Variants in TK1 observed in about 807,000 individuals in gnomAD.
TK1 encodes thymidine kinase 1.
A neutral mutation model predicts 22.4 loss-of-function variants in TK1; 13 were observed. That is an observed-to-expected ratio of 0.58 (90% CI 0.38 to 0.92). The LOEUF is 0.92. TK1 is among the 40% of genes least tolerant of loss of function. The pLI is 0.00. For missense variants in TK1, 251 were observed against 315.7 expected (o/e 0.80, Z 1.55); for synonymous variants, 134 against 125.4 (o/e 1.07, Z -0.46).
rs889163053 is a variant in TK1 at position 78,175,528 on chromosome 17, C to T, written c.393+1G>A. The T allele has an allele frequency of 1.4e-5, 22 of 1,612,796 alleles. No homozygotes were observed. The highest frequency in any genetic ancestry group is 1.9e-5 in the Non-Finnish European group (22 of 1,179,470). The stretch of plus-strand genomic sequence containing the variant: ...CTCCAGACCTGGATCAGACGCCTTA[C>T]CTTCCTCTGGAAGGTCCCATCCAGT... On this transcript the variant is annotated splice_donor_variant, in intron 5 of 6. Transcript: ENST00000301634. LOFTEE classifies it high-confidence loss of function.
intron 4 of TK1, among the ~76,000 whole-genome samples, chr17:78,177,718 T>C (rs1399171896): frequency 6.6e-6 from 1 of 151,718 alleles, no homozygotes; most frequent in African/African-American, 2.4e-5. Context: ...AGACTACAGG[T>C]GCCCGCCACC....
Position 78,179,530 on chromosome 17 carries a change from C to T in TK1, c.303+3059G>A, listed in dbSNP as rs145436960. 1.9e-4 allele frequency: 188 copies of T among 985,408 alleles called. No homozygotes were observed. In the African/African-American group the frequency reaches 2.8e-3, roughly 15 times the overall value. The allele number at this position is 985,408 out of a possible 1,614,324, so 61.0% of individuals were successfully genotyped here. ...CCTCAACTCCACAGGGCAGATGCCC[C>T]GCACAGGGGAAGGGACCCGTCAGCC... On this transcript the variant is annotated intron_variant, in intron 4 of 6. Coordinates refer to ENST00000301634, the MANE Select transcript of TK1 (RefSeq NM_003258.5).
rs895833357 is a variant in TK1, at chr17:78,175,078, T to A, written c.485A>T (p.Tyr162Phe). ...CTTCTCTGTGCCGAGCCTCTTGGTA[T>A]AGGCGGCTTCCCGGAAGCACTCCAT... ...VCMECFREAA[Y>F]TKRLGTEKEV... The change falls in exon 6 of 7, where the codon TAT (tyrosine) becomes TTT (phenylalanine). Residue 162 changes from tyrosine (Y) to phenylalanine (F), a missense_variant. By Grantham distance (22) the Tyr-to-Phe change is conservative. Coordinates refer to ENST00000301634, the MANE Select transcript of TK1 (RefSeq NM_003258.5). The A allele has an allele frequency of 6.2e-7, 1 of 1,613,618 alleles. No individual in the cohort carries two copies. Among genetic ancestry groups the A allele is most frequent in the East Asian group, 2.2e-5 (1 of 44,848 alleles).
At chr17:78,187,076 T>A, upstream of TK1, 2 of 1,442,938 alleles carry the variant, frequency 1.4e-6, no homozygotes, top group Non-Finnish European at 9.6e-7. Flanking sequence ...CCGACCGCTT[T>A]AAACCACGGC....
intron 3 of TK1, among the ~76,000 whole-genome samples, chr17:78,183,572 TC>T (rs902244048): frequency 1.1e-4 from 16 of 152,018 alleles, no homozygotes; most frequent in African/African-American, 3.6e-4. Context: ...GCGCCTGTAG[TC>T]CCACCTGCTC....
At chr17:78,179,897 C>T (rs189662466) in intron 4 of TK1, 168 of 255,686 alleles carry the variant, frequency 6.6e-4, no homozygotes, top group African/African-American at 3.7e-3. Context: ...TGATGAAACC[C>T]CGTCTCTACT....
rs563210691 is a variant in TK1, at chr17:78,177,616, C to G, written c.304-1998G>C. Reference sequence around the variant, plus strand: ...TGAGACGGAGTCTCGCTCTGTCGCCCAGGCTGGAGTGCAGTGGCGTGATCT... The same window carrying G: ...TGAGACGGAGTCTCGCTCTGTCGCCGAGGCTGGAGTGCAGTGGCGTGATCT... On this transcript the variant is annotated intron_variant, in intron 4 of 6. Coordinates refer to ENST00000301634, the MANE Select transcript of TK1 (RefSeq NM_003258.5). Among the ~76,000 whole-genome samples the G allele has an allele frequency of 2.9e-4, 44 of 151,670 alleles. No homozygotes were observed. The South Asian group carries it at 8.9e-3, about 31-fold the overall frequency.
rs141830768 is a variant in TK1 at position 78,175,790 on chromosome 17, C to T, written c.304-172G>A. ...GGGGGACTGTGTCCACCCGCACGCC[C>T]CCCAGCAGACGACAGGTACATCCAC... On this transcript the variant is annotated intron_variant, in intron 4 of 6. Transcript: ENST00000301634. 6.7e-3 allele frequency among the ~76,000 whole-genome samples: 1,024 copies of T among 152,270 alleles called. 4 individuals carry two copies. In the Middle Eastern group the frequency reaches 0.071, roughly 11 times the overall value.
intron 3 of TK1, 76 bp downstream of exon 3, chr17:78,184,979 T>C (rs1190992944): frequency 9.0e-7 from 1 of 1,113,402 alleles, no homozygotes. Flanking sequence ...ACCATCCCCA[T>C]TAAAGAGAGT....
chr17:78,175,319 G>T, intron 5 of TK1, 150 bp from the exon 6 acceptor site: 2 of 1,275,314 alleles, frequency 1.6e-6, no homozygotes, highest in South Asian at 1.5e-5. Flanking sequence ...GCCCGGCTCT[G>T]TCCCTTTGCC....
At chr17:78,186,706 A>AGGGGC in intron 2 of TK1, 81 bp downstream of exon 2, 1 of 885,760 alleles carries the variant, frequency 1.1e-6, no homozygotes, top group Non-Finnish European at 1.5e-6. Flanking sequence ...AGGGGAGGGG[A>AGGGGC]GGGAAGGGGA....
chr17:78,187,060 C>T (rs2075812920), upstream of TK1: 1 of 1,518,680 alleles, frequency 6.6e-7, no homozygotes, highest in African/African-American at 1.4e-5. Context: ...GCCCCTGGTT[C>T]CCGCGCCGAC....
intron 3 of TK1, among the ~76,000 whole-genome samples, chr17:78,183,359 A>T (rs776838004): frequency 6.6e-6 from 1 of 152,126 alleles, no homozygotes; most frequent in Non-Finnish European, 1.5e-5. Context: ...GGCCTGGGTT[A>T]TATTTGTCTT....
At chr17:78,179,210 C>T (rs982966205) in intron 4 of TK1, 14 of 985,288 alleles carry the variant, frequency 1.4e-5, no homozygotes, top group Non-Finnish European at 1.7e-5. Flanking sequence ...AAAGCTGAAG[C>T]TTCCTTGTTC....
rs558182068 is a variant in TK1 at position 78,181,674 on chromosome 17, T to G, written c.303+915A>C. 2.2e-4 allele frequency among the ~76,000 whole-genome samples: 34 copies of G among 151,824 alleles called. 1 individual carries two copies. Among genetic ancestry groups the G allele is most frequent in the African/African-American group, 8.2e-4 (34 of 41,404 alleles). On this transcript the variant is annotated intron_variant, in intron 4 of 6. Coordinates refer to ENST00000301634, the MANE Select transcript of TK1 (RefSeq NM_003258.5). ...TATACCTCCTGGCTGCAAAAACTAC[T>G]AAAAAAGGTACTTCAACAACAAGAA...
intron 4 of TK1, among the ~76,000 whole-genome samples, chr17:78,176,064 C>T (rs11869997): frequency 2.0e-5 from 3 of 152,164 alleles, no homozygotes; most frequent in Non-Finnish European, 2.9e-5. Flanking sequence ...ATGGAAGGCC[C>T]TAAGTTATAT....
At chr17:78,177,666 T>G (rs529739240) in intron 4 of TK1, among the ~76,000 whole-genome samples, 2 of 145,004 alleles carry the variant, frequency 1.4e-5, no homozygotes, top group Admixed American at 1.4e-4. Flanking sequence ...CTCCGCCTCC[T>G]GGGTTCACGC....
At chr17:78,180,988 G>A (rs188239663) in intron 4 of TK1, among the ~76,000 whole-genome samples, 8 of 152,268 alleles carry the variant, frequency 5.3e-5, no homozygotes, top group African/African-American at 1.4e-4. Context: ...GGTGGCTCAC[G>A]CCTGTAATCC....
At chr17:78,185,483 C>A (rs552981419) in intron 2 of TK1, among the ~76,000 whole-genome samples, 1 of 152,230 alleles carries the variant, frequency 6.6e-6, no homozygotes, top group Admixed American at 6.5e-5. Context: ...CGACTGCATT[C>A]CAAAGTAACC....
Sources: gnomAD v4.1 joint callset for allele counts (sites outside exome capture counted in the v4.1 genomes callset) on GRCh38, gnomAD v4.1.1 for gene constraint, MANE v1.5 for transcripts, NCBI Gene and HGNC (gene_info 2026-07-23, HGNC 2026-07-21) for gene names.